The following AGO3 variants were observed in gnomAD, a reference collection of about 807,000 sequenced individuals.
AGO3 encodes the protein argonaute RISC catalytic component 3, also known as protein argonaute-3.
In AGO3, 16 loss-of-function variants were observed where a neutral mutation model predicts 105.5. That is an observed-to-expected ratio of 0.15 (90% CI 0.10 to 0.23). The LOEUF (loss-of-function observed/expected upper bound fraction) is 0.23, where lower values mean the gene tolerates loss of function less well. Ranked by LOEUF, AGO3 falls within the 10% of genes least tolerant of loss-of-function variation. AGO3 has a pLI of 1.00. For synonymous variants in AGO3, 340 were observed against 367.3 expected, an observed-to-expected ratio of 0.93 and a Z score of 0.85; for missense variants, 534 against 1,088.0, an observed-to-expected ratio of 0.49 and a Z score of 7.16.
chr1:35,971,822 T>C (rs547146822), intron 3 of AGO3, among the ~76,000 whole-genome samples: 1 of 152,318 alleles, frequency 6.6e-6, no homozygotes, highest in South Asian at 2.1e-4. Context: ...TTTAGGGTAG[T>C]TTCCAGTATT....
At chr1:36,018,726 T>C (rs1310495986) in intron 11 of AGO3, among the ~76,000 whole-genome samples, 2 of 152,168 alleles carry the variant, frequency 1.3e-5, no homozygotes, top group Non-Finnish European at 2.9e-5. Context: ...CCACCACACC[T>C]GGCCAATATG....
At chr1:36,012,249 GCTTGGGCC>G (rs1031479293) in intron 9 of AGO3, among the ~76,000 whole-genome samples, 5 of 151,368 alleles carry the variant, frequency 3.3e-5, no homozygotes, top group Admixed American at 6.6e-5. Context: ...TGGGAGGATC[GCTTGGGCC>G]CCAGGAGATT....
chr1:36,015,329 C>T (rs377746911), intron 11 of AGO3, among the ~76,000 whole-genome samples: 1 of 152,332 alleles, frequency 6.6e-6, no homozygotes, highest in East Asian at 1.9e-4. Flanking sequence ...GGGTACACCA[C>T]CCTCCAGGAA....
At chr1:35,959,884 A>G (rs1646642270) in intron 2 of AGO3, among the ~76,000 whole-genome samples, 2 of 152,120 alleles carry the variant, frequency 1.3e-5, no homozygotes, top group Admixed American at 1.3e-4. Flanking sequence ...AAATTTTAAT[A>G]TAAAAATATT....
intron 1 of AGO3, among the ~76,000 whole-genome samples, chr1:35,944,496 C>T (rs1162612132): frequency 1.3e-5 from 2 of 150,034 alleles, no homozygotes; most frequent in African/African-American, 4.9e-5. Flanking sequence ...CCCTTTTCCT[C>T]CTTTTTAAAA....
At chr1:35,938,396 C>T (rs1201449638) in intron 1 of AGO3, among the ~76,000 whole-genome samples, 4 of 152,134 alleles carry the variant, frequency 2.6e-5, no homozygotes, top group Admixed American at 2.6e-4. Flanking sequence ...TCCTATCCTC[C>T]AGATGAAACC....
At position 36,033,501 on chromosome 1, in the gene AGO3, T is replaced by A. The variant is rs116355554; in HGVS notation, c.1592-673T>A. Among the ~76,000 whole-genome samples the A allele has an allele frequency of 5.0e-3, 763 of 151,152 alleles. 5 individuals carry two copies. The highest frequency in any genetic ancestry group is 0.018 in the African/African-American group (731 of 41,226). The stretch of plus-strand genomic sequence containing the variant: ...TCTACTTAAATAAAAAAAAAAAGGC[T>A]TGGTGTGGTGGTGCATGCCTGTAGT... On this transcript the variant is annotated intron_variant, in intron 12 of 18. Transcript: ENST00000373191.
In AGO3 at chr1:36,009,000, C is replaced by T. The variant is rs1640461613; in HGVS notation, c.985C>T (p.Leu329=). 1 of 1,603,390 alleles carries T rather than the reference C, an allele frequency of 6.2e-7. No homozygotes were observed. The highest frequency in any genetic ancestry group is 1.3e-5 in the African/African-American group (1 of 74,312). ...GCTGAAGTACCCGCACCTTCCCTGT[C>T]TGCAAGTCGGGCAGGAACAGAAACA... ...LQLKYPHLPC[L]QVGQEQKHTY... The change falls in exon 8 of 19, where the codon CTG becomes TTG. Residue 329 remains leucine, a synonymous_variant. Coordinates refer to ENST00000373191, the MANE Select transcript of AGO3 (RefSeq NM_024852.4). The surrounding 1 kb of genome is among the most constrained non-coding windows in gnomAD (Gnocchi z 5.1).
chr1:35,938,126 G>T (rs1360685842), intron 1 of AGO3, among the ~76,000 whole-genome samples: 1 of 151,720 alleles, frequency 6.6e-6, no homozygotes, highest in Non-Finnish European at 1.5e-5. Flanking sequence ...GATTACAGGT[G>T]CCCGCCACCA....
At chr1:36,041,701 AAG>A (rs1442590827) in intron 16 of AGO3, among the ~76,000 whole-genome samples, 1 of 152,316 alleles carries the variant, frequency 6.6e-6, no homozygotes, top group African/African-American at 2.4e-5. Context: ...AGAAAGGACT[AAG>A]AGAGGGGTGT....
Position 35,951,429 on chromosome 1 carries a change from G to A in AGO3, c.191+5566G>A, listed in dbSNP as rs1445232288. Among the ~76,000 whole-genome samples, 7 of 151,498 alleles carry A rather than the reference G, an allele frequency of 4.6e-5. No individual in the cohort carries two copies. The South Asian group carries it at 1.0e-3, about 23-fold the overall frequency. On this transcript the variant is annotated intron_variant, in intron 2 of 18. Transcript: ENST00000373191. The stretch of plus-strand genomic sequence containing the variant: ...TTTATTTATTTTGAAACAGGATCTC[G>A]CTCTGTCACCCAGGCTGGAGTGCAG...
At chr1:35,995,805 G>A (rs972130954) in intron 5 of AGO3, among the ~76,000 whole-genome samples, 1 of 152,064 alleles carries the variant, frequency 6.6e-6, no homozygotes, top group African/African-American at 2.4e-5. Flanking sequence ...AGCCTCCTGA[G>A]TAGCTGGGAC....
Position 35,945,709 on chromosome 1 carries a change from C to T in AGO3, c.37C>T (p.Pro13Ser), listed in dbSNP as rs139647049. Reference sequence around the variant, plus strand: ...CCTGGCAGGACCCGCTGGGGCCCAGCCCCTACTCATGGTGCCCAGAAGACC... The same window carrying T: ...CCTGGCAGGACCCGCTGGGGCCCAGTCCCTACTCATGGTGCCCAGAAGACC... ...IGSAGPAGAQ[P>S]LLMVPRRPGY... is the part of the protein sequence containing the mutation. Residue 13 changes from proline to serine, a missense_variant, in exon 2 of 19, where the codon CCC (proline) becomes TCC (serine). Physicochemically the swap from Pro to Ser is moderately conservative, Grantham distance 74. Around this residue, in one of 2 missense-constraint regions of AGO3, gnomAD observed 161 missense variants for 234.0 expected, o/e 0.69. Transcript: ENST00000373191. The T allele has an allele frequency of 6.8e-6, 11 of 1,612,578 alleles. No individual in the cohort carries two copies. Among genetic ancestry groups the T allele is most frequent in the East Asian group, 2.2e-5 (1 of 44,896 alleles).
rs1642917283 is a variant in AGO3, at chr1:36,056,360, C to G, written c.*615C>G. ...TACCCCCACTACCGCCTTTATTTCT[C>G]TATTTCCCTTGCCTTCATCACCTAC... On this transcript the variant is annotated 3_prime_UTR_variant, in exon 19 of 19. Coordinates refer to ENST00000373191, the MANE Select transcript of AGO3 (RefSeq NM_024852.4). 6.6e-6 allele frequency: 1 copy of G among 152,148 alleles called. No homozygotes were observed. The highest frequency in any genetic ancestry group is 6.6e-5 in the Admixed American group (1 of 15,262). The allele number at this position is 152,148 out of a possible 1,614,324, so 9.4% of individuals were successfully genotyped here. A position where few individuals can be genotyped will look rare whatever the true frequency, so the allele number is the denominator to read the frequency against.
At chr1:35,959,908 G>GT (rs1476787583) in intron 2 of AGO3, among the ~76,000 whole-genome samples, 1 of 151,514 alleles carries the variant, frequency 6.6e-6, no homozygotes, top group Non-Finnish European at 1.5e-5. Context: ...ATACATATTT[G>GT]TTTTTTTAAT....
intron 17 of AGO3, among the ~76,000 whole-genome samples, chr1:36,051,617 G>C (rs913795035): frequency 4.6e-5 from 7 of 152,052 alleles, no homozygotes; most frequent in Admixed American, 2.0e-4. Context: ...CTACTCAGGA[G>C]GCAGAGGTGG....
At chr1:35,960,922 TG>T (rs1255866999) in intron 2 of AGO3, among the ~76,000 whole-genome samples, 4 of 151,772 alleles carry the variant, frequency 2.6e-5, no homozygotes, top group Admixed American at 2.0e-4. Flanking sequence ...AAATTTACAA[TG>T]TTTCTTTTCT....
intron 6 of AGO3, among the ~76,000 whole-genome samples, chr1:36,007,197 G>T (rs1640375157): frequency 6.6e-6 from 1 of 152,160 alleles, no homozygotes; most frequent in Admixed American, 6.5e-5. Flanking sequence ...TCACAAATAT[G>T]AAAGAGAAAT....
intron 17 of AGO3, among the ~76,000 whole-genome samples, chr1:36,051,959 T>C (rs1642733904): frequency 6.6e-6 from 1 of 152,134 alleles, no homozygotes. Context: ...TCATATGCAC[T>C]ATTGGTGGCA....
Sources: gnomAD v4.1 joint callset for allele counts (sites outside exome capture counted in the v4.1 genomes callset) on GRCh38, gnomAD v4.1.1 for gene constraint, gnomAD v4.1.1 regional missense constraint, Gnocchi (gnomAD v3.1) non-coding constraint, MANE v1.5 for transcripts, NCBI Gene and HGNC (gene_info 2026-07-23, HGNC 2026-07-21) for gene names.